Variants in TMEM108 observed in about 807,000 individuals in gnomAD.
TMEM108 encodes the protein cancer/testis antigen 124.
In TMEM108, 12 loss-of-function variants were observed where a neutral mutation model predicts 35.1. The ratio of observed to expected loss-of-function variants is 0.34; its 90% CI spans 0.22 to 0.55. TMEM108 has a LOEUF of 0.55. Among genes scored for constraint, TMEM108 ranks in the 20% least tolerant of loss-of-function variants. The probability of loss-of-function intolerance (pLI) is 0.89; values close to 1 mark genes in which losing one functional copy is unlikely to be tolerated. For missense variants in TMEM108, 680 were observed against 753.3 expected (o/e 0.90, Z 1.14); for synonymous variants, 287 against 308.6 (o/e 0.93, Z 0.73).
At chr3:133,133,460 A>G (rs764798166) in intron 2 of TMEM108, among the ~76,000 whole-genome samples, 3 of 152,190 alleles carry the variant, frequency 2.0e-5, no homozygotes, top group Non-Finnish European at 4.4e-5. Context: ...CATAACTTTT[A>G]TAGGTACTGG....
chr3:133,347,328 T>G (rs569002497), intron 3 of TMEM108, among the ~76,000 whole-genome samples: 78 of 152,224 alleles, frequency 5.1e-4, no homozygotes, highest in African/African-American at 1.7e-3. Context: ...AGTTTTGCCA[T>G]TGTCCACATA....
At position 133,177,875 on chromosome 3, in the gene TMEM108, C is replaced by T. The variant is rs540591882; in HGVS notation, c.-46-51391C>T. On this transcript the variant is annotated intron_variant, in intron 2 of 5. Coordinates refer to ENST00000321871, the MANE Select transcript of TMEM108 (RefSeq NM_023943.4). ...TTAGGAAAAGAGGAAGTCAAATTGT[C>T]CCTGTTTGCAGATGACATGATTGTA... Among the ~76,000 whole-genome samples the T allele has an allele frequency of 1.6e-3, 244 of 152,252 alleles. 2 individuals are homozygous for T. The highest frequency in any genetic ancestry group is 4.7e-3 in the African/African-American group (197 of 41,552).
At chr3:133,227,574 A>C (rs1035637539) in intron 2 of TMEM108, among the ~76,000 whole-genome samples, 6 of 151,648 alleles carry the variant, frequency 4.0e-5, no homozygotes, top group African/African-American at 1.5e-4. Context: ...AAAACCTAGA[A>C]TGTTATATAA....
chr3:133,379,997 A>T lies in TMEM108; in HGVS notation c.286A>T (p.Thr96Ser). 1 of 1,613,762 alleles carries T rather than the reference A, an allele frequency of 6.2e-7. No individual in the cohort carries two copies. ...PRAEGHPPTH[T>S]ISTIAATVTA... The stretch of plus-strand genomic sequence containing the variant: ...TGCAGAGGGGCACCCTCCTACGCAC[A>T]CCATCTCCACCATCGCTGCGACAGT... The change falls in exon 4 of 6, where the codon ACC becomes TCC. Residue 96 changes from threonine (T) to serine (S), a missense_variant. By Grantham distance (58) the Thr-to-Ser change is moderately conservative. Transcript: ENST00000321871.
intron 3 of TMEM108, among the ~76,000 whole-genome samples, chr3:133,296,758 T>G (rs1947151430): frequency 6.6e-6 from 1 of 152,078 alleles, no homozygotes. Context: ...ATAGAAGGAT[T>G]AGGAGCACAC....
intron 2 of TMEM108, among the ~76,000 whole-genome samples, chr3:133,178,679 A>C (rs1945278782): frequency 6.6e-6 from 1 of 152,236 alleles, no homozygotes; most frequent in South Asian, 2.1e-4. Flanking sequence ...TAAAGACTTA[A>C]ATGTTAGACC....
chr3:133,294,169 G>A lies in TMEM108; in HGVS notation c.40+64818G>A, dbSNP rs150508676. Among the ~76,000 whole-genome samples, 39 of 152,204 alleles carry A rather than the reference G, an allele frequency of 2.6e-4. No individual in the cohort carries two copies. The East Asian group carries it at 4.6e-3, about 18-fold the overall frequency. On this transcript the variant is annotated intron_variant, in intron 3 of 5. Transcript: ENST00000321871. ...TTTTTCATCCTTATAAAAAATGCAC[G>A]GCATCTTCAGGCAGAAAATAAGTGA... is the stretch of plus-strand genomic sequence containing the variant.
chr3:133,371,377 A>G (rs1470612496), intron 3 of TMEM108, among the ~76,000 whole-genome samples: 2 of 152,142 alleles, frequency 1.3e-5, no homozygotes, highest in East Asian at 1.9e-4. Context: ...AAGATAGCTC[A>G]TTCACATGGC....
intron 2 of TMEM108, among the ~76,000 whole-genome samples, chr3:133,068,889 G>A (rs932829149): frequency 1.3e-5 from 2 of 152,158 alleles, no homozygotes; most frequent in Non-Finnish European, 2.9e-5. Context: ...GTTGCCAGAA[G>A]CCATCAGGAA....
chr3:133,053,769 C>A (rs1943433626), intron 2 of TMEM108, among the ~76,000 whole-genome samples: 1 of 152,146 alleles, frequency 6.6e-6, no homozygotes, highest in South Asian at 2.1e-4. Context: ...AGTCCATATT[C>A]TACTTTTAGA....
intron 2 of TMEM108, among the ~76,000 whole-genome samples, chr3:133,216,363 T>C (rs1408645534): frequency 6.6e-6 from 1 of 152,084 alleles, no homozygotes; most frequent in Non-Finnish European, 1.5e-5. Context: ...TATCCCTGTG[T>C]TTCTCTTGTG....
intron 3 of TMEM108, among the ~76,000 whole-genome samples, chr3:133,372,051 A>G (rs995710085): frequency 6.6e-6 from 1 of 152,226 alleles, no homozygotes; most frequent in Non-Finnish European, 1.5e-5. Context: ...TAGGTGAGAA[A>G]TGTTTGTACC....
intron 2 of TMEM108, among the ~76,000 whole-genome samples, chr3:133,170,421 A>G (rs141784740): frequency 1.3e-5 from 2 of 152,228 alleles, no homozygotes; most frequent in African/African-American, 4.8e-5. Flanking sequence ...AGGATCTCCC[A>G]ACTCTCAGCT....
intron 2 of TMEM108, among the ~76,000 whole-genome samples, chr3:133,154,604 C>T (rs1410723321): frequency 1.3e-5 from 2 of 151,890 alleles, no homozygotes; most frequent in African/African-American, 4.8e-5. Context: ...AGCAAACTAT[C>T]GCAAGGACAA....
intron 3 of TMEM108, among the ~76,000 whole-genome samples, chr3:133,334,538 C>T (rs564780044): frequency 1.3e-5 from 2 of 152,064 alleles, no homozygotes; most frequent in South Asian, 4.2e-4. Flanking sequence ...GTCCATCTGG[C>T]AGGAGGAGGT....
intron 2 of TMEM108, among the ~76,000 whole-genome samples, chr3:133,121,939 T>A (rs1163385254): frequency 6.6e-6 from 1 of 152,192 alleles, no homozygotes; most frequent in Non-Finnish European, 1.5e-5. Flanking sequence ...GTTTCCATGT[T>A]CTTGTTATTG....
At chr3:133,051,300 G>A (rs976509340) in intron 2 of TMEM108, among the ~76,000 whole-genome samples, 6 of 152,130 alleles carry the variant, frequency 3.9e-5, no homozygotes, top group Admixed American at 3.3e-4. Flanking sequence ...ATGCATACTT[G>A]CCATCTGTAT....
At chr3:133,095,611 G>A (rs1438832691) in intron 2 of TMEM108, among the ~76,000 whole-genome samples, 1 of 152,018 alleles carries the variant, frequency 6.6e-6, no homozygotes, top group African/African-American at 2.4e-5. Context: ...GTTGATGGGA[G>A]ACAGTGACAG....
chr3:133,279,583 C>T (rs570861867), intron 3 of TMEM108, among the ~76,000 whole-genome samples: 2 of 152,284 alleles, frequency 1.3e-5, no homozygotes, highest in African/African-American at 2.4e-5. Flanking sequence ...AGGCAGACCC[C>T]TCAAAGGCAG....
Sources: gnomAD v4.1 joint callset for allele counts (sites outside exome capture counted in the v4.1 genomes callset) on GRCh38, gnomAD v4.1.1 for gene constraint, MANE v1.5 for transcripts, NCBI Gene and HGNC (gene_info 2026-07-23, HGNC 2026-07-21) for gene names.